NLRC5: variants seen among roughly 807,000 people sequenced by gnomAD.
NLRC5 encodes the protein NLR family CARD domain containing 5.
Under a neutral mutation model 206.9 loss-of-function variants are expected in NLRC5, and 114 were observed. The observed-to-expected ratio is 0.55, with a 90% CI of 0.47 to 0.64. The LOEUF (loss-of-function observed/expected upper bound fraction) is 0.64. NLRC5 is among the 30% of genes least tolerant of loss of function. The pLI, the probability that NLRC5 is intolerant of heterozygous loss-of-function variation, is 0.00. For synonymous variants in NLRC5, 952 were observed against 962.8 expected (o/e 0.99, Z 0.21); for missense variants, 2,008 against 2,305.5 (o/e 0.87, Z 2.64).
Position 57,013,494 on chromosome 16 carries a change from A to T in NLRC5, c.-127-3580A>T, listed in dbSNP as rs148855113. On this transcript the variant is annotated intron_variant, in intron 1 of 48. Coordinates refer to ENST00000688547, the MANE Select transcript of NLRC5 (RefSeq NM_001384950.1). The stretch of plus-strand genomic sequence containing the variant: ...AAATCTGAGTCATTGAGGTGAGCAC[A>T]GATTCCATTGGCTGCTTGTGCTTTC... 7.2e-4 allele frequency: 550 copies of T among 759,176 alleles called. No homozygotes were observed. In the African/African-American group the frequency reaches 7.8e-3, roughly 11 times the overall value. The allele number at this position is 759,176 out of a possible 1,614,324, so 47.0% of individuals were successfully genotyped here.
In NLRC5 at chr16:57,019,450, G is replaced by T. The variant is rs547914139; in HGVS notation, c.-12-1251G>T. 7.2e-5 allele frequency among the ~76,000 whole-genome samples: 11 copies of T among 152,350 alleles called. No individual in the cohort carries two copies. In the South Asian group the frequency reaches 2.3e-3, roughly 32 times the overall value. ...GAAGAATTTGCTTAGCAAAAGAGGT[G>T]ATGGTCTGTGTTAGCTAGGATTAGA... On this transcript the variant is annotated intron_variant, in intron 2 of 48. Transcript: ENST00000688547.
intron 1 of NLRC5, chr16:57,013,695 G>T: frequency 3.7e-6 from 3 of 801,100 alleles, no homozygotes; most frequent in Non-Finnish European, 6.7e-6. Context: ...TGGTAACCTG[G>T]AATATGCTCC....
At position 57,025,440 on chromosome 16, in the gene NLRC5, C is replaced by T. The variant is rs2061185310; in HGVS notation, c.497C>T (p.Ser166Leu). The change falls in exon 6 of 49, where the codon TCA (serine) becomes TTA (leucine). Residue 166 changes from serine (S) to leucine (L), a missense_variant. Ser to Leu is a moderately radical substitution (Grantham distance 145). Coordinates refer to ENST00000688547, the MANE Select transcript of NLRC5 (RefSeq NM_001384950.1). Reference protein sequence around the residue: ...QQRYRSQIPGSGQPHAFHQVY... With the variant: ...QQRYRSQIPGLGQPHAFHQVY... ...CGCTACAGGAGCCAAATCCCTGGGT[C>T]AGGGCAGCCCCACGCCTTCCACCAG... is the stretch of plus-strand genomic sequence containing the variant. 1 of 1,599,752 alleles carries T rather than the reference C, an allele frequency of 6.3e-7. No homozygotes were observed. The highest frequency in any genetic ancestry group is 1.3e-5 in the African/African-American group (1 of 74,544).
At chr16:57,038,940 A>AG (rs1491187066) in intron 15 of NLRC5, among the ~76,000 whole-genome samples, 4 of 103,662 alleles carry the variant, frequency 3.9e-5, no homozygotes, top group African/African-American at 1.5e-4. Context: ...GTCTCAAATT[A>AG]AAAAAAAAAA....
chr16:57,055,632 C>A, intron 27 of NLRC5, 113 bp downstream of exon 27: 1 of 793,526 alleles, frequency 1.3e-6, no homozygotes, highest in Non-Finnish European at 2.1e-6. Flanking sequence ...CTGCCTACAC[C>A]TCTCAGGACC....
At chr16:57,054,966 C>T in intron 25 of NLRC5, 66 bp from the exon 26 acceptor site, 1 of 1,598,988 alleles carries the variant, frequency 6.3e-7, no homozygotes, top group Non-Finnish European at 8.6e-7. Context: ...AGGAGGGGTG[C>T]TGGCCCCGTG....
intron 30 of NLRC5, among the ~76,000 whole-genome samples, chr16:57,061,087 G>A (rs1439051130): frequency 6.6e-6 from 1 of 152,258 alleles, no homozygotes; most frequent in African/African-American, 2.4e-5. Flanking sequence ...TATCTGCTGT[G>A]TGTCCTTGGG....
At chr16:57,064,330 CT>C (rs1323376492) in intron 32 of NLRC5, among the ~76,000 whole-genome samples, 1 of 152,170 alleles carries the variant, frequency 6.6e-6, no homozygotes, top group Non-Finnish European at 1.5e-5. Flanking sequence ...TGACTTAATT[CT>C]CTTTTTTCCT....
rs1241251425 is a variant in NLRC5, at chr16:57,026,945, G to A, written c.2002G>A (p.Asp668Asn). The A allele has an allele frequency of 3.1e-6, 5 of 1,614,148 alleles. No individual in the cohort carries two copies. In the East Asian group the frequency reaches 8.9e-5, roughly 29 times the overall value. Residue 668 changes from aspartate (D) to asparagine (N), a missense_variant, in exon 6 of 49, where the codon GAT becomes AAT. Physicochemically the swap from Asp to Asn is conservative, Grantham distance 23 (BLOSUM62 1). Transcript: ENST00000688547. ...LEHREAPIHLDFDGCPLEPHC... is the reference protein window; with the variant it reads ...LEHREAPIHLNFDGCPLEPHC... Reference sequence around the variant, plus strand: ...GCACAGGGAGGCCCCCATCCACCTGGATTTTGATGGCTGTCCCCTGGAGCC... The same window carrying A: ...GCACAGGGAGGCCCCCATCCACCTGAATTTTGATGGCTGTCCCCTGGAGCC...
chr16:57,074,434 AT>A lies in NLRC5; in HGVS notation c.4668-163del, dbSNP rs1311182697. On this transcript the variant is annotated intron_variant, in intron 38 of 48. Coordinates refer to ENST00000688547, the MANE Select transcript of NLRC5 (RefSeq NM_001384950.1). ...TCAGTAATTCATGCAGAGAAACAGC[AT>A]TTGGACCTCCCAGTACAGTTCATTT... The A allele has an allele frequency of 7.9e-6, 5 of 634,894 alleles. No individual in the cohort carries two copies. The African/African-American group carries it at 9.1e-5, about 12-fold the overall frequency. 39.3% of individuals were successfully genotyped at this position (634,894 alleles called of 1,614,324 possible).
chr16:57,073,221 C>A (rs152221), intron 38 of NLRC5, among the ~76,000 whole-genome samples: 1 of 151,968 alleles, frequency 6.6e-6, no homozygotes, highest in Non-Finnish European at 1.5e-5. Flanking sequence ...TGCTCCTTAC[C>A]TCCTGCTGCC....
In NLRC5 at chr16:57,022,284, GA is replaced by G; in HGVS notation, c.328del (p.Ser110AlafsTer11). 6.2e-7 allele frequency: 1 copy of G among 1,612,082 alleles called. No homozygotes were observed. The highest frequency in any genetic ancestry group is 8.5e-7 in the Non-Finnish European group (1 of 1,178,344). On this transcript the variant is annotated frameshift_variant, in exon 4 of 49. Transcript: ENST00000688547. LOFTEE classifies it high-confidence loss of function. ...GFTSQLGAEG[K>X]SQPESQLHHG... Reference sequence around the variant, plus strand: ...TCACCAGCCAGCTGGGAGCTGAGGGGAAAAGCCAACCTGAATCTCAGCTCCA... The same window carrying G: ...TCACCAGCCAGCTGGGAGCTGAGGGGAAAGCCAACCTGAATCTCAGCTCCA...
chr16:57,053,664 G>A (rs1218128400), intron 24 of NLRC5, among the ~76,000 whole-genome samples: 2 of 152,138 alleles, frequency 1.3e-5, no homozygotes, highest in Non-Finnish European at 2.9e-5. Flanking sequence ...AAGTAGCTGG[G>A]ATTACAGGCG....
At chr16:57,078,067 G>C in intron 43 of NLRC5, 47 bp downstream of exon 43, 1 of 1,475,060 alleles carries the variant, frequency 6.8e-7, no homozygotes, top group Non-Finnish European at 9.1e-7. Context: ...GGGGAGGAGG[G>C]TCCTCGGGAG....
At chr16:56,997,390 A>G (rs2142204145) in intron 1 of NLRC5, among the ~76,000 whole-genome samples, 1 of 152,252 alleles carries the variant, frequency 6.6e-6, no homozygotes, top group South Asian at 2.1e-4. Context: ...CTTGTGCTGT[A>G]GTATTAATGT....
At chr16:57,002,826 G>A (rs2058443032) in intron 1 of NLRC5, among the ~76,000 whole-genome samples, 1 of 151,966 alleles carries the variant, frequency 6.6e-6, no homozygotes, top group South Asian at 2.1e-4. Flanking sequence ...TGTATTTTTA[G>A]TAGAGACAGG....
At chr16:57,001,000 C>A (rs1357354604) in intron 1 of NLRC5, among the ~76,000 whole-genome samples, 17 of 152,192 alleles carry the variant, frequency 1.1e-4, no homozygotes, top group Admixed American at 1.1e-3. Context: ...CAGCATAGAC[C>A]CCATCACTGG....
At chr16:57,021,129 CTA>C in intron 3 of NLRC5, 122 bp downstream of exon 3, 2 of 850,962 alleles carry the variant, frequency 2.4e-6, no homozygotes, top group Non-Finnish European at 3.6e-6. Flanking sequence ...GATCTCAACT[CTA>C]TATTTCTGGA....
rs2060623146 is a variant in NLRC5, at chr16:57,021,115, C to T, written c.295+108C>T. ...AAGTCAGAGAGAGGGTGTAGCCCAG[C>T]CACGATCTCAACTCTATATTTCTGG... On this transcript the variant is annotated intron_variant, in intron 3 of 48. Transcript: ENST00000688547. 6 of 943,726 alleles carry T rather than the reference C, an allele frequency of 6.4e-6. No individual in the cohort carries two copies. In the Admixed American group the frequency reaches 1.5e-4, roughly 23 times the overall value. 58.5% of individuals were successfully genotyped at this position (943,726 alleles called of 1,614,324 possible).
Sources: gnomAD v4.1 joint callset for allele counts (sites outside exome capture counted in the v4.1 genomes callset) on GRCh38, gnomAD v4.1.1 for gene constraint, MANE v1.5 for transcripts, NCBI Gene and HGNC (gene_info 2026-07-23, HGNC 2026-07-21) for gene names.